The following HS6ST3 variants were observed in gnomAD, a reference collection of about 807,000 sequenced individuals.
HS6ST3 encodes the protein heparan sulfate 6-O-sulfotransferase 3.
A neutral mutation model predicts 36.7 loss-of-function variants in HS6ST3; 12 were observed. That is an observed-to-expected ratio of 0.33 (90% CI 0.21 to 0.53). The LOEUF (loss-of-function observed/expected upper bound fraction) is 0.53. Ranked by LOEUF, HS6ST3 falls within the 20% of genes least tolerant of loss-of-function variation. The pLI is 0.95. For synonymous variants in HS6ST3, 240 were observed against 257.5 expected, an observed-to-expected ratio of 0.93 and a Z score of 0.65; for missense variants, 584 against 640.9, an observed-to-expected ratio of 0.91 and a Z score of 0.96.
At chr13:96,272,260 A>T (rs1414750899) in intron 1 of HS6ST3, among the ~76,000 whole-genome samples, 2 of 152,050 alleles carry the variant, frequency 1.3e-5, no homozygotes, top group Non-Finnish European at 2.9e-5. Context: ...AATGGTAGTG[A>T]GGTCTCTAGA....
chr13:96,713,822 A>T (rs59917148), intron 1 of HS6ST3, among the ~76,000 whole-genome samples: 15,618 of 152,102 alleles, frequency 0.1, 838 homozygotes, highest in Admixed American at 0.17. Flanking sequence ...TAAAATCAAT[A>T]TTTCAGAAGA....
At chr13:96,173,679 A>AAAG (rs1382054911) in intron 1 of HS6ST3, among the ~76,000 whole-genome samples, 2 of 151,482 alleles carry the variant, frequency 1.3e-5, no homozygotes, top group Non-Finnish European at 2.9e-5. Flanking sequence ...TAAAAAAAAA[A>AAAG]AAAAAAAAAA....
intron 1 of HS6ST3, among the ~76,000 whole-genome samples, chr13:96,822,809 A>G (rs556398639): frequency 6.6e-6 from 1 of 152,350 alleles, no homozygotes; most frequent in African/African-American, 2.4e-5. Context: ...CTGCCAATGA[A>G]TATAATCGGG....
intron 1 of HS6ST3, among the ~76,000 whole-genome samples, chr13:96,223,655 G>C (rs79670336): frequency 1.5e-5 from 2 of 134,860 alleles, no homozygotes; most frequent in African/African-American, 2.6e-5. Context: ...AATGGATATG[G>C]GGGGGGGGAA....
chr13:96,493,397 C>CAT (rs1477169369), intron 1 of HS6ST3, among the ~76,000 whole-genome samples: 2 of 152,058 alleles, frequency 1.3e-5, no homozygotes, highest in African/African-American at 4.8e-5. Context: ...TTTTGCTACA[C>CAT]ATATATATCT....
At chr13:96,655,013 G>C (rs983275591) in intron 1 of HS6ST3, among the ~76,000 whole-genome samples, 2 of 152,122 alleles carry the variant, frequency 1.3e-5, no homozygotes, top group Non-Finnish European at 2.9e-5. Context: ...TTTTGAATAA[G>C]GAACTTCTTG....
At chr13:96,696,215 A>G (rs1226423872) in intron 1 of HS6ST3, among the ~76,000 whole-genome samples, 1 of 152,168 alleles carries the variant, frequency 6.6e-6, no homozygotes, top group Non-Finnish European at 1.5e-5. Flanking sequence ...CATGGGCTGC[A>G]GTTGCAGTCC....
At chr13:96,539,943 C>T (rs2056171445) in intron 1 of HS6ST3, among the ~76,000 whole-genome samples, 1 of 152,186 alleles carries the variant, frequency 6.6e-6, no homozygotes, top group South Asian at 2.1e-4. Context: ...AAACATTCTC[C>T]ATGTGAGAAT....
intron 1 of HS6ST3, among the ~76,000 whole-genome samples, chr13:96,802,489 C>T (rs1326380179): frequency 6.6e-6 from 1 of 152,160 alleles, no homozygotes; most frequent in East Asian, 1.9e-4. Flanking sequence ...CCAACAATCT[C>T]ATTAGCTACT....
At chr13:96,625,968 C>T (rs2056510818) in intron 1 of HS6ST3, among the ~76,000 whole-genome samples, 1 of 151,680 alleles carries the variant, frequency 6.6e-6, no homozygotes, top group East Asian at 2.0e-4. Context: ...AGCCTCTCAG[C>T]TGGGACTACA....
intron 1 of HS6ST3, among the ~76,000 whole-genome samples, chr13:96,573,022 A>G (rs1301393039): frequency 6.6e-6 from 1 of 152,176 alleles, no homozygotes; most frequent in Non-Finnish European, 1.5e-5. Context: ...CAGTGTTATA[A>G]TGAATCCTCA....
rs991006496 is a variant in HS6ST3 at position 96,325,996 on chromosome 13, C to T, written c.707+234427C>T. On this transcript the variant is annotated intron_variant, in intron 1 of 1. Coordinates refer to ENST00000376705, the MANE Select transcript of HS6ST3 (RefSeq NM_153456.4). ...AGAAAGAAAAGATCTAAGAAGAGAT[C>T]AGTGGCTTAAAATTCCCTAGTGATA... 9.2e-5 allele frequency among the ~76,000 whole-genome samples: 14 copies of T among 152,040 alleles called. No individual in the cohort carries two copies. The South Asian group carries it at 1.5e-3, about 16-fold the overall frequency.
chr13:96,636,991 C>A (rs1208939903), intron 1 of HS6ST3, among the ~76,000 whole-genome samples: 3 of 150,960 alleles, frequency 2.0e-5, no homozygotes, highest in African/African-American at 7.3e-5. Flanking sequence ...AGGTTATGAA[C>A]AAAAATAAAA....
chr13:96,342,405 A>G (rs571129694), intron 1 of HS6ST3, among the ~76,000 whole-genome samples: 1 of 152,312 alleles, frequency 6.6e-6, no homozygotes, highest in South Asian at 2.1e-4. Flanking sequence ...TGGCTCAATC[A>G]TATGTGTTGG....
In HS6ST3 at chr13:96,478,487, A is replaced by G. The variant is rs147626529; in HGVS notation, c.708-354003A>G. Among the ~76,000 whole-genome samples the G allele has an allele frequency of 2.8e-4, 43 of 152,238 alleles. 1 individual carries two copies. In the East Asian group the frequency reaches 6.4e-3, roughly 23 times the overall value. ...TGGCAGGGGGGTTAAGTAAGAGTCCATTATCCTCCATAGAGTTCCATAGTC... is the reference window on the plus strand; with the variant it reads ...TGGCAGGGGGGTTAAGTAAGAGTCCGTTATCCTCCATAGAGTTCCATAGTC... On this transcript the variant is annotated intron_variant, in intron 1 of 1. Transcript: ENST00000376705.
In HS6ST3 at chr13:96,465,375, T is replaced by C. The variant is rs928541273; in HGVS notation, c.708-367115T>C. On this transcript the variant is annotated intron_variant, in intron 1 of 1. Coordinates refer to ENST00000376705, the MANE Select transcript of HS6ST3 (RefSeq NM_153456.4). ...TAGAATCAAGACATACATGGGGGAA[T>C]ACTCATAGAAGGGAATACTACACAG... is the stretch of plus-strand genomic sequence containing the variant. Among the ~76,000 whole-genome samples, 5 of 152,110 alleles carry C rather than the reference T, an allele frequency of 3.3e-5. No homozygotes were observed. In the South Asian group the frequency reaches 8.3e-4, roughly 25 times the overall value.
chr13:96,331,556 G>C (rs911520160), intron 1 of HS6ST3, among the ~76,000 whole-genome samples: 11 of 151,732 alleles, frequency 7.2e-5, no homozygotes, highest in Admixed American at 2.0e-4. Flanking sequence ...CTCCAGCTGC[G>C]TGCTGGGAGA....
intron 1 of HS6ST3, among the ~76,000 whole-genome samples, chr13:96,280,782 G>A (rs1200096894): frequency 5.3e-5 from 8 of 152,078 alleles, no homozygotes; most frequent in Admixed American, 5.2e-4. Flanking sequence ...GCCATTTTCT[G>A]GCACAACAGT....
chr13:96,488,327 C>A lies in HS6ST3; in HGVS notation c.708-344163C>A, dbSNP rs370675913. 4.6e-5 allele frequency among the ~76,000 whole-genome samples: 7 copies of A among 152,172 alleles called. No individual in the cohort carries two copies. In the East Asian group the frequency reaches 9.6e-4, roughly 21 times the overall value. ...CACTTTAATAGGCTGAGAATATGTCCTTAAACTTGGAAACCGGTACCTCTT... is the reference window on the plus strand; with the variant it reads ...CACTTTAATAGGCTGAGAATATGTCATTAAACTTGGAAACCGGTACCTCTT... On this transcript the variant is annotated intron_variant, in intron 1 of 1. Transcript: ENST00000376705.
Sources: gnomAD v4.1 joint callset for allele counts (sites outside exome capture counted in the v4.1 genomes callset) on GRCh38, gnomAD v4.1.1 for gene constraint, MANE v1.5 for transcripts, NCBI Gene and HGNC (gene_info 2026-07-23, HGNC 2026-07-21) for gene names.